The following RFC3 variants were observed in gnomAD, a reference collection of about 807,000 sequenced individuals.
The protein encoded by RFC3 is replication factor C subunit 3.
Under a neutral mutation model 45.1 loss-of-function variants are expected in RFC3, and 41 were observed. The ratio of observed to expected loss-of-function variants is 0.91; its 90% CI spans 0.71 to 1.18. The LOEUF (loss-of-function observed/expected upper bound fraction) is 1.18. RFC3 is among the 50% of genes most tolerant of loss of function. The pLI is 0.00. For synonymous variants in RFC3, 149 were observed against 144.0 expected, an observed-to-expected ratio of 1.03 and a Z score of -0.25; for missense variants, 423 against 428.1, an observed-to-expected ratio of 0.99 and a Z score of 0.10.
intron 8 of RFC3, among the ~76,000 whole-genome samples, chr13:33,934,443 GA>G (rs1281760857): frequency 6.6e-6 from 1 of 152,154 alleles, no homozygotes; most frequent in African/African-American, 2.4e-5. Context: ...ACTAAAAAGA[GA>G]AATGCTTAGA....
chr13:33,836,351 A>G lies in RFC3; in HGVS notation c.*56A>G. The G allele has an allele frequency of 6.4e-7, 1 of 1,570,596 alleles. No homozygotes were observed. The highest frequency in any genetic ancestry group is 2.3e-5 in the East Asian group (1 of 44,206). Reference sequence around the variant, plus strand: ...CAGTATCAGTATTTACATACAGCTTATATTAAAAGAGCTGTGGGTAAATTA... The same window carrying G: ...CAGTATCAGTATTTACATACAGCTTGTATTAAAAGAGCTGTGGGTAAATTA... On this transcript the variant is annotated 3_prime_UTR_variant, in exon 9 of 9. Transcript: ENST00000380071.
In RFC3 at chr13:33,909,573, C is replaced by T. The variant is rs150324215; in HGVS notation, c.880-56514C>T. Among the ~76,000 whole-genome samples, 6 of 152,106 alleles carry T rather than the reference C, an allele frequency of 3.9e-5. No individual in the cohort carries two copies. In the East Asian group the frequency reaches 1.2e-3, roughly 29 times the overall value. ...TCTCTTTCTCCTTCTTTACCTCTTC[C>T]TCTTTCTTCTATTCTTCTTTCTGCT... On this transcript the variant is annotated intron_variant, in intron 8 of 8. Transcript: ENST00000434425.
intron 8 of RFC3, among the ~76,000 whole-genome samples, chr13:33,935,442 A>T (rs948953019): frequency 1.3e-5 from 2 of 152,198 alleles, no homozygotes; most frequent in Non-Finnish European, 2.9e-5. Context: ...TGCTGATCTG[A>T]AGTCATTTCA....
chr13:33,967,660 G>A (rs1192875013), downstream of RFC3, among the ~76,000 whole-genome samples: 2 of 151,560 alleles, frequency 1.3e-5, no homozygotes, highest in Admixed American at 6.6e-5. Flanking sequence ...GCTAATTTTT[G>A]TATTTTTAGT....
chr13:33,963,240 A>G (rs1301943872), intron 8 of RFC3, among the ~76,000 whole-genome samples: 3 of 151,966 alleles, frequency 2.0e-5, no homozygotes, highest in African/African-American at 7.2e-5. Context: ...TTTCGTTTTT[A>G]TTTTCTTTTC....
chr13:33,825,832 A>T lies in RFC3; in HGVS notation c.337A>T (p.Lys113Ter). ...CCGAGTAGTCATTCAGGAGATGTTG[A>T]AAACAGTGGCACAATCACAACAACT... Reference protein sequence around the residue: ...SDRVVIQEMLKTVAQSQQLET... With the variant: ...SDRVVIQEML The change falls in exon 4 of 9, where the codon AAA (lysine) becomes TAA (stop). Residue 113 changes from lysine to a stop codon, truncating the protein, a stop_gained. Transcript: ENST00000380071. LOFTEE classifies it high-confidence loss of function. 6.2e-7 allele frequency: 1 copy of T among 1,608,014 alleles called. No individual in the cohort carries two copies. The highest frequency in any genetic ancestry group is 8.5e-7 in the Non-Finnish European group (1 of 1,177,104).
the RFC3 span, among the ~76,000 whole-genome samples, chr13:33,973,514 G>T: frequency 1.3e-5 from 2 of 152,176 alleles, no homozygotes; most frequent in Admixed American, 1.3e-4. Context: ...AACACATTTT[G>T]TGGGAGATAC....
rs903594019 is a variant in RFC3 at position 33,819,120 on chromosome 13, G to C, written c.87+855G>C. ...TTGGCCAGGCTGGTCTCGAACTCCT[G>C]ACCTCAGGTGATCCGCCTGCCTCGG... is the stretch of plus-strand genomic sequence containing the variant. On this transcript the variant is annotated intron_variant, in intron 1 of 8. Coordinates refer to ENST00000380071, the MANE Select transcript of RFC3 (RefSeq NM_002915.4). Among the ~76,000 whole-genome samples the C allele has an allele frequency of 1.4e-4, 22 of 152,218 alleles. 1 individual carries two copies. Among genetic ancestry groups the C allele is most frequent in the African/African-American group, 5.3e-4 (22 of 41,548 alleles).
intron 4 of RFC3, among the ~76,000 whole-genome samples, chr13:33,826,852 C>T (rs925338860): frequency 6.6e-6 from 1 of 151,964 alleles, no homozygotes; most frequent in African/African-American, 2.4e-5. Context: ...GCCAACCCTC[C>T]AATAGTGTGG....
chr13:33,835,087 G>A, intron 7 of RFC3, 61 bp from the exon 8 acceptor site: 3 of 1,059,880 alleles, frequency 2.8e-6, no homozygotes, highest in Admixed American at 3.8e-5. Context: ...CATACAGTGG[G>A]AATTTGGAAA....
chr13:33,873,522 C>A (rs1465283153), intron 8 of RFC3, among the ~76,000 whole-genome samples: 1 of 152,140 alleles, frequency 6.6e-6, no homozygotes, highest in African/African-American at 2.4e-5. Context: ...GAAGTGAGAT[C>A]ATAACTTTGA....
At position 33,818,881 on chromosome 13, in the gene RFC3, G is replaced by GTT. The variant is rs72236854; in HGVS notation, c.87+641_87+642dup. Among the ~76,000 whole-genome samples the GTT allele has an allele frequency of 1.8e-3, 198 of 112,022 alleles. 8 individuals are homozygous for GTT. Among genetic ancestry groups the GTT allele is most frequent in the African/African-American group, 2.6e-3 (78 of 29,450 alleles). The allele number at this position is 112,022 out of a possible 152,430, so 73.5% of individuals were successfully genotyped here. ...TTGTATTAGGACGTTCCTGAGATTAGTTTTTTTTTTTTTTTTTTTTTTTTT... is the reference window on the plus strand; with the variant it reads ...TTGTATTAGGACGTTCCTGAGATTAGTTTTTTTTTTTTTTTTTTTTTTTTTTT... On this transcript the variant is annotated intron_variant, in intron 1 of 8. Coordinates refer to ENST00000380071, the MANE Select transcript of RFC3 (RefSeq NM_002915.4).
chr13:33,904,308 T>G (rs1047059995), intron 8 of RFC3, among the ~76,000 whole-genome samples: 5 of 152,078 alleles, frequency 3.3e-5, no homozygotes, highest in South Asian at 2.1e-4. Flanking sequence ...CCTGTTTTTT[T>G]CTTCCTAATG....
Position 33,886,418 on chromosome 13 carries a change from C to T in RFC3, c.879+51201C>T, listed in dbSNP as rs534592085. 5.3e-5 allele frequency among the ~76,000 whole-genome samples: 8 copies of T among 151,882 alleles called. No individual in the cohort carries two copies. The South Asian group carries it at 1.7e-3, about 32-fold the overall frequency. ...AAGATTAGCCGGTCGTGGTGGTGGG[C>T]ACCTGTAGTCCCAACTACTCGGGAG... On this transcript the variant is annotated intron_variant, in intron 8 of 8. Transcript: ENST00000434425.
chr13:33,893,269 G>T (rs918271095), intron 8 of RFC3, among the ~76,000 whole-genome samples: 1 of 152,032 alleles, frequency 6.6e-6, no homozygotes, highest in Admixed American at 6.6e-5. Context: ...ACCCCCTCTT[G>T]GGACAGGTAG....
chr13:33,937,338 A>G (rs1315561850), intron 8 of RFC3, among the ~76,000 whole-genome samples: 4 of 152,166 alleles, frequency 2.6e-5, no homozygotes, highest in Non-Finnish European at 2.9e-5. Context: ...ATGTAAGTAC[A>G]CTCTACAATG....
At chr13:33,886,439 G>A (rs1026399429) in intron 8 of RFC3, among the ~76,000 whole-genome samples, 5 of 151,624 alleles carry the variant, frequency 3.3e-5, no homozygotes, top group East Asian at 1.9e-4. Flanking sequence ...CCAACTACTC[G>A]GGAGGCCAAG....
intron 8 of RFC3, among the ~76,000 whole-genome samples, chr13:33,948,649 GCC>G (rs2082969677): frequency 6.6e-6 from 1 of 152,214 alleles, no homozygotes. Context: ...ACCCTGCAAA[GCC>G]ACAAGGGTGG....
intron 8 of RFC3, among the ~76,000 whole-genome samples, chr13:33,874,352 CTG>C: frequency 6.6e-6 from 1 of 152,188 alleles, no homozygotes; most frequent in Non-Finnish European, 1.5e-5. Flanking sequence ...GAGTCTCACT[CTG>C]TTATCCAGGC....
Sources: gnomAD v4.1 joint callset for allele counts (sites outside exome capture counted in the v4.1 genomes callset) on GRCh38, gnomAD v4.1.1 for gene constraint, MANE v1.5 for transcripts, NCBI Gene and HGNC (gene_info 2026-07-23, HGNC 2026-07-21) for gene names.